The following BMP2K variants were observed in gnomAD, a reference collection of about 807,000 sequenced individuals.
The protein encoded by BMP2K is BMP-2-inducible protein kinase.
Under a neutral mutation model 116.0 loss-of-function variants are expected in BMP2K, and 74 were observed. The observed-to-expected ratio is 0.64, with a 90% CI of 0.53 to 0.77. The LOEUF is 0.77. Among genes scored for constraint, BMP2K ranks in the 30% least tolerant of loss-of-function variants. The pLI, the probability that BMP2K is intolerant of heterozygous loss-of-function variation, is 0.00. For missense variants in BMP2K, 1,365 were observed against 1,403.6 expected, an observed-to-expected ratio of 0.97 and a Z score of 0.44; for synonymous variants, 486 against 502.5, an observed-to-expected ratio of 0.97 and a Z score of 0.44.
intron 14 of BMP2K, among the ~76,000 whole-genome samples, chr4:78,882,107 TA>T (rs1732903016): frequency 6.6e-6 from 1 of 152,028 alleles, no homozygotes; most frequent in Admixed American, 6.5e-5. Context: ...GATTCATGGT[TA>T]TTTTTTTAAA....
In BMP2K at chr4:78,911,827, G is replaced by T; in HGVS notation, c.3280G>T (p.Asp1094Tyr). ...PHQGLSDIRA[D>Y]HNTVLPGRPR... ...TCAGGGCCTGAGCGACATCCGTGCT[G>T]ATCACAATACTGTCCTGCCAGGGCG... is the stretch of plus-strand genomic sequence containing the variant. The change falls in exon 16 of 16, where the codon GAT (aspartate) becomes TAT (tyrosine). Residue 1094 changes from aspartate to tyrosine, a missense_variant. Physicochemically the swap from Asp to Tyr is radical, Grantham distance 160 (BLOSUM62 -3). Transcript: ENST00000502613. 6.2e-7 allele frequency: 1 copy of T among 1,613,952 alleles called. No homozygotes were observed. The highest frequency in any genetic ancestry group is 8.5e-7 in the Non-Finnish European group (1 of 1,179,876).
At chr4:78,865,828 A>T (rs977705138) in intron 10 of BMP2K, 108 bp downstream of exon 10, 3 of 1,109,474 alleles carry the variant, frequency 2.7e-6, no homozygotes, top group African/African-American at 3.1e-5. Context: ...AGTAGATAAC[A>T]TAATGCTTTC....
At chr4:78,843,605 T>C (rs926485563) in intron 4 of BMP2K, among the ~76,000 whole-genome samples, 1 of 151,932 alleles carries the variant, frequency 6.6e-6, no homozygotes, top group Non-Finnish European at 1.5e-5. Flanking sequence ...ACTAAAAATA[T>C]AGGCTGTTAA....
At chr4:78,884,355 A>C (rs1480631830) in intron 14 of BMP2K, among the ~76,000 whole-genome samples, 1 of 152,020 alleles carries the variant, frequency 6.6e-6, no homozygotes, top group Non-Finnish European at 1.5e-5. Flanking sequence ...AACAAAAAAA[A>C]CCAGTATATA....
At chr4:78,850,006 A>T (rs1310713641) in intron 6 of BMP2K, among the ~76,000 whole-genome samples, 1 of 151,776 alleles carries the variant, frequency 6.6e-6, no homozygotes, top group Non-Finnish European at 1.5e-5. Context: ...TAATAAGGCC[A>T]AGTTTCGGTA....
At chr4:78,822,951 C>A (rs1220214382) in intron 1 of BMP2K, among the ~76,000 whole-genome samples, 1 of 152,096 alleles carries the variant, frequency 6.6e-6, no homozygotes, top group African/African-American at 2.4e-5. Flanking sequence ...CTAGTTACCT[C>A]CCTGTAAGTG....
intron 1 of BMP2K, among the ~76,000 whole-genome samples, chr4:78,821,181 T>C (rs1729600102): frequency 6.6e-6 from 1 of 152,182 alleles, no homozygotes; most frequent in Non-Finnish European, 1.5e-5. Context: ...TCTTAAAGGG[T>C]TTCTTTGAAC....
intron 14 of BMP2K, chr4:78,879,111 G>C: frequency 7.8e-7 from 1 of 1,277,216 alleles, no homozygotes. Context: ...ATTGCTGATA[G>C]TATGCTAATA....
chr4:78,873,818 T>C (rs1248121085), intron 13 of BMP2K, among the ~76,000 whole-genome samples: 1 of 151,858 alleles, frequency 6.6e-6, no homozygotes, highest in Non-Finnish European at 1.5e-5. Flanking sequence ...AAAGTAAGAA[T>C]TGGGGTGGAT....
chr4:78,827,495 G>A (rs1029738069), intron 2 of BMP2K, among the ~76,000 whole-genome samples: 2 of 152,062 alleles, frequency 1.3e-5, no homozygotes, highest in African/African-American at 4.8e-5. Flanking sequence ...GGGTGCAAAA[G>A]GAACATGTCT....
At chr4:78,886,404 A>G (rs1156519406) in intron 14 of BMP2K, among the ~76,000 whole-genome samples, 2 of 152,092 alleles carry the variant, frequency 1.3e-5, no homozygotes, top group Non-Finnish European at 2.9e-5. Context: ...CCTGCACTAC[A>G]TTTTTCTCTA....
chr4:78,820,161 T>C (rs1349040500), intron 1 of BMP2K, among the ~76,000 whole-genome samples: 2 of 152,230 alleles, frequency 1.3e-5, no homozygotes, highest in African/African-American at 2.4e-5. Context: ...TTTAGAAATT[T>C]AGCAGGAAGT....
chr4:78,868,791 T>A (rs1005307388), intron 10 of BMP2K, among the ~76,000 whole-genome samples: 5 of 152,142 alleles, frequency 3.3e-5, no homozygotes, highest in Non-Finnish European at 7.4e-5. Flanking sequence ...TGACTCCAGG[T>A]CTCACATCCA....
intron 4 of BMP2K, among the ~76,000 whole-genome samples, chr4:78,844,711 T>G (rs906153767): frequency 6.6e-6 from 1 of 151,618 alleles, no homozygotes; most frequent in Non-Finnish European, 1.5e-5. Flanking sequence ...TTCCTCATAA[T>G]TTGGGTATCT....
chr4:78,911,097 T>C lies in BMP2K; in HGVS notation c.2550T>C (p.Thr850=). Reference sequence around the variant, plus strand: ...TATCCTCTGATGTTGCAGTGGAGACTCCCAAACAGGAGTTTGATGTATTTG... The same window carrying C: ...TATCCTCTGATGTTGCAGTGGAGACCCCCAAACAGGAGTTTGATGTATTTG... ...AQLSSDVAVE[T]PKQEFDVFGA... Residue 850 remains threonine (T), a synonymous_variant, in exon 16 of 16, where the codon ACT becomes ACC. Transcript: ENST00000502613. The C allele has an allele frequency of 6.2e-7, 1 of 1,613,978 alleles. No homozygotes were observed.
At chr4:78,798,743 A>G (rs1728421123) in intron 1 of BMP2K, among the ~76,000 whole-genome samples, 1 of 152,234 alleles carries the variant, frequency 6.6e-6, no homozygotes. Flanking sequence ...GATTTACAAT[A>G]TCACTGCCTT....
At position 78,910,591 on chromosome 4, in the gene BMP2K, T is replaced by C. The variant is rs766720967; in HGVS notation, c.2063-19T>C. 40 of 1,482,202 alleles carry C rather than the reference T, an allele frequency of 2.7e-5. No individual in the cohort carries two copies. In the South Asian group the frequency reaches 5.5e-4, roughly 20 times the overall value. The allele number at this position is 1,482,202 out of a possible 1,614,324, so 91.8% of individuals were successfully genotyped here. On this transcript the variant is annotated intron_variant, in intron 15 of 15. Transcript: ENST00000502613. ...GAAATGCATTGGAATGCTGTAATAA[T>C]ATTTATTTGAACTTGCAGGTTCTCC... is the stretch of plus-strand genomic sequence containing the variant.
At chr4:78,795,447 C>T (rs1206747332) in intron 1 of BMP2K, among the ~76,000 whole-genome samples, 2 of 152,040 alleles carry the variant, frequency 1.3e-5, no homozygotes, top group African/African-American at 4.8e-5. Flanking sequence ...AGAAGAAAAC[C>T]TAGGCATTAC....
At chr4:78,873,167 T>G (rs1732454810) in intron 13 of BMP2K, among the ~76,000 whole-genome samples, 1 of 152,228 alleles carries the variant, frequency 6.6e-6, no homozygotes, top group Non-Finnish European at 1.5e-5. Context: ...TTATTACCTT[T>G]GATTAATTTT....
Sources: allele counts gnomAD v4.1 joint callset (sites outside exome capture counted in the v4.1 genomes callset), GRCh38; gene constraint gnomAD v4.1.1; transcripts MANE v1.5; gene names NCBI Gene and HGNC (gene_info 2026-07-23, HGNC 2026-07-21).